Variants in AGRN observed in about 807,000 individuals in gnomAD.
The protein encoded by AGRN is agrin.
Under a neutral mutation model 211.0 loss-of-function variants are expected in AGRN, and 106 were observed. The ratio of observed to expected loss-of-function variants is 0.50; its 90% confidence interval spans 0.43 to 0.59. AGRN has a LOEUF of 0.59. Ranked by LOEUF, AGRN falls within the 20% of genes least tolerant of loss-of-function variation. The pLI is 0.00. For synonymous variants in AGRN, 1,525 were observed against 1,332.5 expected (o/e 1.14, Z -3.15); for missense variants, 3,040 against 2,982.6 (o/e 1.02, Z -0.45).
intron 20 of AGRN, 33 bp from the exon 21 acceptor site, chr1:1,047,540 G>GC (rs747909056): frequency 6.2e-6 from 10 of 1,612,306 alleles, no homozygotes; most frequent in Non-Finnish European, 6.8e-6. Context: ...GGCTTGGGCG[G>GC]CCCCCCAAGT....
chr1:1,034,212 G>C (rs1570168933), intron 2 of AGRN: 1 of 985,402 alleles, frequency 1.0e-6, no homozygotes, highest in Non-Finnish European at 1.2e-6. Context: ...CGGCCTGCGC[G>C]GCTCCGGGGG....
chr1:1,020,473 C>T, intron 1 of AGRN, 100 bp downstream of exon 1: 1 of 1,191,428 alleles, frequency 8.4e-7, no homozygotes, highest in Non-Finnish European at 1.1e-6. Context: ...CTCCGCAGCC[C>T]CCGCTCCGGC....
intron 2 of AGRN, chr1:1,034,004 C>A: frequency 1.7e-6 from 1 of 573,634 alleles, no homozygotes; most frequent in Non-Finnish European, 2.2e-6. Context: ...CTCACCTCCC[C>A]AGCCCCGCGG....
Position 1,043,323 on chromosome 1 carries a change from G to A in AGRN, c.1469G>A (p.Cys490Tyr). The A allele has an allele frequency of 1.9e-6, 3 of 1,609,916 alleles. No individual in the cohort carries two copies. The highest frequency in any genetic ancestry group is 1.7e-6 in the Non-Finnish European group (2 of 1,179,066). ...AVKNGQAACECLQACSSLYDP... is the reference protein window; with the variant it reads ...AVKNGQAACEYLQACSSLYDP... ...AAGAACGGGCAGGCAGCGTGTGAAT[G>A]CCTGCAGGCGTGCTCGAGCCTCTAC... Residue 490 changes from cysteine (C) to tyrosine (Y), a missense_variant, in exon 8 of 36, where the codon TGC (cysteine) becomes TAC (tyrosine). By Grantham distance (194) the Cys-to-Tyr change is radical. Transcript: ENST00000379370.
intron 2 of AGRN, among the ~76,000 whole-genome samples, chr1:1,025,003 G>C (rs1053680189): frequency 6.6e-6 from 1 of 152,146 alleles, no homozygotes; most frequent in Admixed American, 6.5e-5. Flanking sequence ...ACCCTGTCCT[G>C]TCTGGGCACT....
rs141587982 is a variant in AGRN at position 1,046,019 on chromosome 1, C to T, written c.2736C>T (p.Cys912=). ...TGCGCTGTGAGTTCGGTGCGCGGTGCGTGGAGGAGTCTGGCTCAGCCCACT... is the reference window on the plus strand; with the variant it reads ...TGCGCTGTGAGTTCGGTGCGCGGTGTGTGGAGGAGTCTGGCTCAGCCCACT... ...AEMRCEFGAR[C]VEESGSAHCV... The change falls in exon 16 of 36, where the codon TGC becomes TGT. Residue 912 remains cysteine, a synonymous_variant. Coordinates refer to ENST00000379370, the MANE Select transcript of AGRN (RefSeq NM_198576.4). The T allele has an allele frequency of 5.0e-6, 8 of 1,614,006 alleles. No individual in the cohort carries two copies. Among genetic ancestry groups the T allele is most frequent in the African/African-American group, 2.7e-5 (2 of 75,054 alleles).
intron 19 of AGRN, 37 bp downstream of exon 19, chr1:1,046,994 G>C (rs1447440692): frequency 4.5e-6 from 7 of 1,558,946 alleles, no homozygotes; most frequent in Non-Finnish European, 4.3e-6. Flanking sequence ...TGTGAGGATA[G>C]CCTGGGCTCG....
chr1:1,045,548 C>T (rs1645067098), intron 14 of AGRN, 25 bp downstream of exon 14: 1 of 1,611,164 alleles, frequency 6.2e-7, no homozygotes, highest in East Asian at 2.2e-5. Context: ...CCAGGACTGG[C>T]CACCGGCTAT....
At chr1:1,051,867 G>A (rs948149030) in intron 33 of AGRN, 52 bp downstream of exon 33, 7 of 1,604,898 alleles carry the variant, frequency 4.4e-6, no homozygotes, top group Non-Finnish European at 6.0e-6. Flanking sequence ...CCTCGGGGCG[G>A]GACACCGGAC....
At chr1:1,050,999 G>T (rs1341559466) in intron 30 of AGRN, 162 bp downstream of exon 30, 1 of 1,550,030 alleles carries the variant, frequency 6.5e-7, no homozygotes, top group South Asian at 1.2e-5. Context: ...CTCTGCTCTC[G>T]CTCTGCAACC....
intron 2 of AGRN, chr1:1,034,761 A>G (rs1644760141): frequency 9.9e-7 from 1 of 1,013,056 alleles, no homozygotes; most frequent in African/African-American, 1.7e-5. Context: ...AGGCCCCTGC[A>G]CATAGAGGCT....
chr1:1,051,404 G>A (rs756418098), intron 31 of AGRN, 35 bp downstream of exon 31: 15 of 1,543,608 alleles, frequency 9.7e-6, no homozygotes, highest in Middle Eastern at 4.0e-4. Context: ...CAGGGCCTCC[G>A]GGGCGGGCGG....
At position 1,050,813 on chromosome 1, in the gene AGRN, C is replaced by T; in HGVS notation, c.5229C>T (p.Gly1743=). 1 of 1,589,614 alleles carries T rather than the reference C, an allele frequency of 6.3e-7. No homozygotes were observed. Among genetic ancestry groups the T allele is most frequent in the Non-Finnish European group, 8.5e-7 (1 of 1,172,406 alleles). Residue 1743 remains glycine, a synonymous_variant, in exon 30 of 36, where the codon GGC becomes GGT. Coordinates refer to ENST00000379370, the MANE Select transcript of AGRN (RefSeq NM_198576.4). ...AGGGTGCCCTGCGTGTGGGCGACGG[C>T]CCCCGTGTGTTGGGGGAGTCCCCGG... ...GRKGALRVGD[G]PRVLGESPVP...
At chr1:1,045,100 CTGGGTCCAGGG>C in intron 12 of AGRN, 50 bp from the exon 13 acceptor site, 1 of 1,557,180 alleles carries the variant, frequency 6.4e-7, no homozygotes, top group Non-Finnish European at 8.8e-7. Context: ...GGCAGACTGG[CTGGGTCCAGGG>C]TGGGTGTCCA....
intron 24 of AGRN, 53 bp downstream of exon 24, chr1:1,049,112 G>GGGGT: frequency 2.1e-6 from 2 of 958,898 alleles, no homozygotes; most frequent in Non-Finnish European, 2.7e-6. Flanking sequence ...GGGAGGGGAC[G>GGGGT]GGCGGGGGAG....
At chr1:1,047,923 T>A in intron 22 of AGRN, 28 bp downstream of exon 22, 1 of 1,603,456 alleles carries the variant, frequency 6.2e-7, no homozygotes, top group Non-Finnish European at 8.5e-7. Context: ...AGCCACAGCT[T>A]ACCTGCCCCC....
chr1:1,052,884 G>A (rs979558330), intron 33 of AGRN: 3 of 159,138 alleles, frequency 1.9e-5, no homozygotes, highest in Non-Finnish European at 4.1e-5. Flanking sequence ...GGGGAGACAG[G>A]TGTGTGTCCG....
chr1:1,051,984 G>C (rs1645309238), intron 33 of AGRN, 169 bp downstream of exon 33: 1 of 1,544,366 alleles, frequency 6.5e-7, no homozygotes, highest in African/African-American at 1.4e-5. Flanking sequence ...CTGTCTCTTT[G>C]TTTCCAAGCG....
At chr1:1,042,835 G>A (rs535648450) in intron 7 of AGRN, among the ~76,000 whole-genome samples, 252 of 152,108 alleles carry the variant, frequency 1.7e-3, no homozygotes, top group African/African-American at 5.4e-3. Flanking sequence ...CTCCTCCCCC[G>A]TGCAGCCCTG....
Sources: allele counts gnomAD v4.1 joint callset (sites outside exome capture counted in the v4.1 genomes callset), GRCh38; gene constraint gnomAD v4.1.1; transcripts MANE v1.5; gene names NCBI Gene and HGNC (gene_info 2026-07-23, HGNC 2026-07-21).